The following ABCG4 variants were observed in gnomAD, a reference collection of about 807,000 sequenced individuals.
ABCG4 encodes ATP binding cassette subfamily G member 4, also known as ATP-binding cassette sub-family G member 4.
A neutral mutation model predicts 64.6 loss-of-function variants in ABCG4; 35 were observed. That is an observed-to-expected ratio of 0.54 (90% CI 0.41 to 0.72). ABCG4 has a LOEUF of 0.72. Ranked by LOEUF, ABCG4 falls within the 30% of genes least tolerant of loss-of-function variation. The probability of loss-of-function intolerance (pLI) is 0.00; values close to 1 mark genes in which losing one functional copy is unlikely to be tolerated. For synonymous variants in ABCG4, 326 were observed against 348.2 expected, an observed-to-expected ratio of 0.94 and a Z score of 0.71; for missense variants, 610 against 846.3, an observed-to-expected ratio of 0.72 and a Z score of 3.46.
chr11:119,158,394 C>T lies in ABCG4; in HGVS notation c.1167+62C>T, dbSNP rs751161028. The T allele has an allele frequency of 1.5e-5, 23 of 1,581,574 alleles. No homozygotes were observed. The highest frequency in any genetic ancestry group is 1.9e-5 in the Non-Finnish European group (22 of 1,151,706). ...GGCCTGACCTTTTGGGCTGTAGGAT[C>T]CCAGCAGCTGAAATGGGAATGGGGA... On this transcript the variant is annotated intron_variant, in intron 10 of 14. Transcript: ENST00000619701. The surrounding 1 kb of genome is among the most constrained non-coding windows in gnomAD (Gnocchi z 4.5).
rs1948300799 is a variant in ABCG4, at chr11:119,158,607, CG to C, written c.1220del (p.Gly407AlafsTer42). On this transcript the variant is annotated frameshift_variant, in exon 11 of 15. Coordinates refer to ENST00000619701, the MANE Select transcript of ABCG4 (RefSeq NM_022169.5). LOFTEE classifies it high-confidence loss of function. This position sits in a 1 kb window ranked among gnomAD's most constrained non-coding sequence, Gnocchi z 4.5. ...CCCACGTGGTTATTGGCGTGCTCAT[CG>C]GCCTCCTCTACCTGCATATTGGCGA... ...MSHVVIGVLI[G>X]LLYLHIGDDA... The C allele has an allele frequency of 6.2e-7, 1 of 1,614,104 alleles. No homozygotes were observed. Among genetic ancestry groups the C allele is most frequent in the African/African-American group, 1.3e-5 (1 of 74,944 alleles).
rs774194498 is a variant in ABCG4 at position 119,154,001 on chromosome 11, A to G, written c.239-25A>G. ...ACCTCTGTTCACTGCAGCCTGACTAAAAATTCCTCCCCACCTCACTGCAGG... is the reference window on the plus strand; with the variant it reads ...ACCTCTGTTCACTGCAGCCTGACTAGAAATTCCTCCCCACCTCACTGCAGG... On this transcript the variant is annotated intron_variant, in intron 2 of 14. Transcript: ENST00000619701. The surrounding 1 kb of genome is among the most constrained non-coding windows in gnomAD (Gnocchi z 7.0). The G allele has an allele frequency of 8.1e-6, 13 of 1,607,710 alleles. No homozygotes were observed. The highest frequency in any genetic ancestry group is 1.1e-5 in the Non-Finnish European group (13 of 1,174,404).
At position 119,160,417 on chromosome 11, in the gene ABCG4, G is replaced by A. The variant is rs1213934611; in HGVS notation, c.1596+32G>A. ...GGGCTGGCAGTTGGGAATTCCCAAGGCGGGATGAGGTCTTGTGGGAGGAAG... is the reference window on the plus strand; with the variant it reads ...GGGCTGGCAGTTGGGAATTCCCAAGACGGGATGAGGTCTTGTGGGAGGAAG... On this transcript the variant is annotated intron_variant, in intron 13 of 14. Transcript: ENST00000619701. This position sits in a 1 kb window ranked among gnomAD's most constrained non-coding sequence, Gnocchi z 4.6. The A allele has an allele frequency of 1.2e-6, 2 of 1,603,580 alleles. No homozygotes were observed. Among genetic ancestry groups the A allele is most frequent in the African/African-American group, 2.7e-5 (2 of 74,716 alleles).
chr11:119,156,769 G>T lies in ABCG4; in HGVS notation c.925+91G>T, dbSNP rs1407592878. ...TGCACTCAGGCCTCCTAGGGGTAGA[G>T]ATCTCACCGTCGCCTGCCTTCCCCA... On this transcript the variant is annotated intron_variant, in intron 8 of 14. Coordinates refer to ENST00000619701, the MANE Select transcript of ABCG4 (RefSeq NM_022169.5). This position sits in a 1 kb window ranked among gnomAD's most constrained non-coding sequence, Gnocchi z 5.5. 5.7e-6 allele frequency: 9 copies of T among 1,589,016 alleles called. No homozygotes were observed. Among genetic ancestry groups the T allele is most frequent in the Non-Finnish European group, 7.8e-6 (9 of 1,159,658 alleles).
chr11:119,150,277 G>GTC lies in ABCG4; in HGVS notation c.238+75_238+76dup, dbSNP rs1948178380. On this transcript the variant is annotated intron_variant, in intron 2 of 14. Coordinates refer to ENST00000619701, the MANE Select transcript of ABCG4 (RefSeq NM_022169.5). This position sits in a 1 kb window ranked among gnomAD's most constrained non-coding sequence, Gnocchi z 4.3. Reference sequence around the variant, plus strand: ...CTCTCCAGAAGCATGAGGCCTGGGTGTCCCATGTTCGGAAAGTCCTGCACC... The same window carrying GTC: ...CTCTCCAGAAGCATGAGGCCTGGGTGTCTCCCATGTTCGGAAAGTCCTGCACC... The GTC allele has an allele frequency of 6.4e-7, 1 of 1,550,958 alleles. No homozygotes were observed. Among genetic ancestry groups the GTC allele is most frequent in the Admixed American group, 1.8e-5 (1 of 54,640 alleles).
At position 119,149,202 on chromosome 11, in the gene ABCG4, G is replaced by GCCTGC. The variant is rs1348371262; in HGVS notation, c.-171_-167dup. ...AGCCGAGGGCCGGCCCTCCTGCCTC[G>GCCTGC]CCTGCCCCGCCCCGGCCCCGCCCCG... is the stretch of plus-strand genomic sequence containing the variant. On this transcript the variant is annotated 5_prime_UTR_variant, in exon 1 of 15. Transcript: ENST00000619701. The surrounding 1 kb of genome is among the most constrained non-coding windows in gnomAD (Gnocchi z 8.3). The GCCTGC allele has an allele frequency of 1.3e-5, 2 of 151,576 alleles. No homozygotes were observed. The highest frequency in any genetic ancestry group is 2.4e-5 in the African/African-American group (1 of 41,294). 9.4% of individuals were successfully genotyped at this position (151,576 alleles called of 1,614,324 possible).
Position 119,154,257 on chromosome 11 carries a change from C to T in ABCG4, c.357-3C>T. ...CCCCCATCCTCAACCCACATCCCTG[C>T]AGGGAGTCTGGAATGAAGGGGCAGA... On this transcript the variant is annotated splice_region_variant and splice_polypyrimidine_tract_variant and intron_variant, in intron 3 of 14. Coordinates refer to ENST00000619701, the MANE Select transcript of ABCG4 (RefSeq NM_022169.5). This position sits in a 1 kb window ranked among gnomAD's most constrained non-coding sequence, Gnocchi z 7.0. 1 of 1,614,128 alleles carries T rather than the reference C, an allele frequency of 6.2e-7. No individual in the cohort carries two copies. Among genetic ancestry groups the T allele is most frequent in the East Asian group, 2.2e-5 (1 of 44,886 alleles).
Position 119,160,323 on chromosome 11 carries a change from G to C in ABCG4, c.1534G>C (p.Ala512Pro). Residue 512 changes from alanine to proline, a missense_variant, in exon 13 of 15, where the codon GCC becomes CCC. Transcript: ENST00000619701. The surrounding 1 kb of genome is among the most constrained non-coding windows in gnomAD (Gnocchi z 4.6). ...CCTGCTCTTCTCAGCCCTGGCCACC[G>C]CCACCGCCTTGGTGGCCCAATCTTT... ...RFLLFSALAT[A>P]TALVAQSLGL... The C allele has an allele frequency of 6.2e-7, 1 of 1,613,614 alleles. No homozygotes were observed. The highest frequency in any genetic ancestry group is 1.1e-5 in the South Asian group (1 of 91,072).
At chr11:119,152,781 C>A in intron 2 of ABCG4, 1 of 152,340 alleles carries the variant, frequency 6.6e-6, no homozygotes. Context: ...TTTTAGAATC[C>A]TGCTCATCCT....
chr11:119,149,176 G>A lies in ABCG4; in HGVS notation c.-200G>A, dbSNP rs1421355178. The A allele has an allele frequency of 6.6e-6, 1 of 151,870 alleles. No individual in the cohort carries two copies. Among genetic ancestry groups the A allele is most frequent in the East Asian group, 1.9e-4 (1 of 5,158 alleles). 9.4% of individuals were successfully genotyped at this position (151,870 alleles called of 1,614,324 possible). A position where few individuals can be genotyped will look rare whatever the true frequency, so the allele number is the denominator to read the frequency against. On this transcript the variant is annotated 5_prime_UTR_variant, in exon 1 of 15. Coordinates refer to ENST00000619701, the MANE Select transcript of ABCG4 (RefSeq NM_022169.5). The surrounding 1 kb of genome is among the most constrained non-coding windows in gnomAD (Gnocchi z 8.3). ...TCTCACCATCCTTGCCGTCTCCTCC[G>A]AGCCGAGGGCCGGCCCTCCTGCCTC...
In ABCG4 at chr11:119,156,241, C is replaced by G. The variant is rs777069790; in HGVS notation, c.687-88C>G. 1.3e-4 allele frequency: 207 copies of G among 1,572,538 alleles called. 1 individual carries two copies. The Admixed American group carries it at 3.3e-3, about 25-fold the overall frequency. Reference sequence around the variant, plus strand: ...TGCCCTCTTCCTGCCAGCTTCATCCCCTTCACAGCAGCTGCCCCGCCCCAG... The same window carrying G: ...TGCCCTCTTCCTGCCAGCTTCATCCGCTTCACAGCAGCTGCCCCGCCCCAG... On this transcript the variant is annotated intron_variant, in intron 6 of 14. Coordinates refer to ENST00000619701, the MANE Select transcript of ABCG4 (RefSeq NM_022169.5). This position sits in a 1 kb window ranked among gnomAD's most constrained non-coding sequence, Gnocchi z 5.5.
Position 119,154,450 on chromosome 11 carries a change from C to A in ABCG4, c.489+58C>A. ...AACCCCCTCTGTCTGCTGTCGCCACCTTCACCATTGGCGGAGGGTTCAAGG... is the reference window on the plus strand; with the variant it reads ...AACCCCCTCTGTCTGCTGTCGCCACATTCACCATTGGCGGAGGGTTCAAGG... On this transcript the variant is annotated intron_variant, in intron 4 of 14. Coordinates refer to ENST00000619701, the MANE Select transcript of ABCG4 (RefSeq NM_022169.5). The surrounding 1 kb of genome is among the most constrained non-coding windows in gnomAD (Gnocchi z 7.0). 6.2e-7 allele frequency: 1 copy of A among 1,614,106 alleles called. No individual in the cohort carries two copies. Among genetic ancestry groups the A allele is most frequent in the Non-Finnish European group, 8.5e-7 (1 of 1,180,008 alleles).
chr11:119,160,494 C>T lies in ABCG4; in HGVS notation c.1597-44C>T. The T allele has an allele frequency of 6.2e-7, 1 of 1,608,136 alleles. No individual in the cohort carries two copies. Among genetic ancestry groups the T allele is most frequent in the East Asian group, 2.2e-5 (1 of 44,882 alleles). On this transcript the variant is annotated intron_variant, in intron 13 of 14. Transcript: ENST00000619701. The surrounding 1 kb of genome is among the most constrained non-coding windows in gnomAD (Gnocchi z 4.6). ...GAGCTCTAGGAAACCTGGGTTTGTC[C>T]TGGTCACCCCTATGATGGCCTGGCC... is the stretch of plus-strand genomic sequence containing the variant.
At position 119,156,894 on chromosome 11, in the gene ABCG4, G is replaced by T; in HGVS notation, c.948G>T (p.Glu316Asp). 6.2e-7 allele frequency: 1 copy of T among 1,612,198 alleles called. No individual in the cohort carries two copies. Among genetic ancestry groups the T allele is most frequent in the Non-Finnish European group, 8.5e-7 (1 of 1,179,192 alleles). The change falls in exon 9 of 15, where the codon GAG becomes GAT. Residue 316 changes from glutamate to aspartate, a missense_variant. Transcript: ENST00000619701. The surrounding 1 kb of genome is among the most constrained non-coding windows in gnomAD (Gnocchi z 5.5). Reference sequence around the variant, plus strand: ...CAGTCATCGAGGTGGCCTCTGGCGAGTATGGAGACCTGAACCCCATGTTGT... The same window carrying T: ...CAGTCATCGAGGTGGCCTCTGGCGATTATGGAGACCTGAACCCCATGTTGT... The part of the protein sequence containing the change: ...ADFIIEVASG[E>D]YGDLNPMLFR...
At chr11:119,152,147 T>C (rs1239548007) in intron 2 of ABCG4, among the ~76,000 whole-genome samples, 1 of 152,162 alleles carries the variant, frequency 6.6e-6, no homozygotes, top group Non-Finnish European at 1.5e-5. Context: ...CCACCAAATG[T>C]CTCTGATTGA....
Position 119,150,173 on chromosome 11 carries a change from G to T in ABCG4, c.208G>T (p.Val70Leu). 2 of 1,613,996 alleles carry T rather than the reference G, an allele frequency of 1.2e-6. No individual in the cohort carries two copies. The highest frequency in any genetic ancestry group is 1.1e-5 in the South Asian group (1 of 91,084). The change falls in exon 2 of 15, where the codon GTG becomes TTG. Residue 70 changes from valine (V) to leucine (L), a missense_variant. Physicochemically the swap from Val to Leu is conservative, Grantham distance 32. Coordinates refer to ENST00000619701, the MANE Select transcript of ABCG4 (RefSeq NM_022169.5). The surrounding 1 kb of genome is among the most constrained non-coding windows in gnomAD (Gnocchi z 4.3). Reference protein sequence around the residue: ...DIEFVELSYSVREGPCWRKRG... With the variant: ...DIEFVELSYSLREGPCWRKRG... ...CGAGTTCGTGGAGCTGTCCTATTCC[G>T]TGCGGGAGGGGCCCTGCTGGCGCAA...
At chr11:119,151,435 C>T (rs866295066) in intron 2 of ABCG4, among the ~76,000 whole-genome samples, 1 of 152,004 alleles carries the variant, frequency 6.6e-6, no homozygotes, top group Non-Finnish European at 1.5e-5. Flanking sequence ...GCCCTCCCCT[C>T]GATGACTTCT....
In ABCG4 at chr11:119,153,956, C is replaced by T. The variant is rs1948227524; in HGVS notation, c.239-70C>T. ...CCTATTTCACTGATAGCCATGGCTGCTCCTAAGAATTTTGGGGGTACCTCT... is the reference window on the plus strand; with the variant it reads ...CCTATTTCACTGATAGCCATGGCTGTTCCTAAGAATTTTGGGGGTACCTCT... On this transcript the variant is annotated intron_variant, in intron 2 of 14. Transcript: ENST00000619701. 3.8e-6 allele frequency: 5 copies of T among 1,322,648 alleles called. No homozygotes were observed. The Admixed American group carries it at 5.1e-5, about 13-fold the overall frequency. 81.9% of individuals were successfully genotyped at this position (1,322,648 alleles called of 1,614,324 possible). A position where few individuals can be genotyped will look rare whatever the true frequency, so the allele number is the denominator to read the frequency against.
chr11:119,162,258 A>AT lies in ABCG4; in HGVS notation c.*1153dup, dbSNP rs538269580. The AT allele has an allele frequency of 9.9e-4, 151 of 152,900 alleles. No individual in the cohort carries two copies. Among genetic ancestry groups the AT allele is most frequent in the Non-Finnish European group, 1.7e-3 (119 of 68,116 alleles). The allele number at this position is 152,900 out of a possible 1,614,324, so 9.5% of individuals were successfully genotyped here. On this transcript the variant is annotated 3_prime_UTR_variant, in exon 15 of 15. Transcript: ENST00000619701. ...AACCAACACAAGCACAACCACGGGC[A>AT]TAAGTTGGCCTTGGCCACTGCCACC... is the stretch of plus-strand genomic sequence containing the variant.
Sources: allele counts gnomAD v4.1 joint callset (sites outside exome capture counted in the v4.1 genomes callset), GRCh38; gene constraint gnomAD v4.1.1; non-coding constraint Gnocchi (gnomAD v3.1); transcripts MANE v1.5; gene names NCBI Gene and HGNC (gene_info 2026-07-23, HGNC 2026-07-21).